The following DYSF variants were observed in gnomAD, a reference collection of about 807,000 sequenced individuals.
The protein encoded by DYSF is dystrophy-associated fer-1-like 1.
Under a neutral mutation model 274.9 loss-of-function variants are expected in DYSF, and 212 were observed. The observed-to-expected ratio is 0.77, with a 90% CI of 0.69 to 0.86. The LOEUF (loss-of-function observed/expected upper bound fraction) is 0.86, where lower values mean the gene tolerates loss of function less well. Ranked by LOEUF, DYSF falls within the 40% of genes least tolerant of loss-of-function variation. The pLI is 0.00. For missense variants in DYSF, 2,666 were observed against 2,783.2 expected (o/e 0.96, Z 0.95); for synonymous variants, 1,091 against 1,078.7 (o/e 1.01, Z -0.22).
chr2:71,620,337 G>T (rs1447841048), intron 40 of DYSF, among the ~76,000 whole-genome samples: 1 of 152,224 alleles, frequency 6.6e-6, no homozygotes, highest in Admixed American at 6.5e-5. Flanking sequence ...CTCCAGATAG[G>T]ACGCTGACCC....
At chr2:71,529,765 G>A (rs748670224) in intron 14 of DYSF, among the ~76,000 whole-genome samples, 6 of 152,204 alleles carry the variant, frequency 3.9e-5, no homozygotes, top group Non-Finnish European at 8.8e-5. Flanking sequence ...GTCTGAAGAA[G>A]TCATTTAGTT....
chr2:71,543,339 G>A (rs969341026), intron 17 of DYSF, among the ~76,000 whole-genome samples: 2 of 151,542 alleles, frequency 1.3e-5, no homozygotes, highest in Admixed American at 6.6e-5. Flanking sequence ...TTCCTAGAGG[G>A]GATGGCGGCC....
intron 17 of DYSF, 131 bp from the exon 18 acceptor site, chr2:71,550,910 A>T: frequency 1.3e-6 from 1 of 749,762 alleles, no homozygotes; most frequent in Non-Finnish European, 2.4e-6. Context: ...TTATACACTG[A>T]CAGGAGCTGC....
intron 51 of DYSF, among the ~76,000 whole-genome samples, chr2:71,672,859 G>A (rs1306556947): frequency 2.0e-5 from 3 of 152,258 alleles, no homozygotes; most frequent in Non-Finnish European, 2.9e-5. Context: ...AGGGCTGGAG[G>A]TGAGGGGCCA....
intron 36 of DYSF, chr2:71,610,811 G>A (rs1478731152): frequency 3.3e-6 from 1 of 299,166 alleles, no homozygotes; most frequent in Non-Finnish European, 6.6e-6. Flanking sequence ...GAGCCAGGAG[G>A]CAGGAGAACC....
At chr2:71,576,890 T>C (rs2092717218) in intron 30 of DYSF, 1 of 152,260 alleles carries the variant, frequency 6.6e-6, no homozygotes, top group South Asian at 2.1e-4. Flanking sequence ...CGTATTCTTC[T>C]TGTGGAAGAG....
intron 1 of DYSF, among the ~76,000 whole-genome samples, chr2:71,469,285 T>TG (rs1238371808): frequency 1.3e-5 from 2 of 152,084 alleles, no homozygotes; most frequent in African/African-American, 2.4e-5. Flanking sequence ...GCATGTAGGC[T>TG]GGGGGGACTC....
rs148118275 is a variant in DYSF, at chr2:71,651,555, G to A, written c.4627-4607G>A. ...TTTCAAAGAGAGAGCTGGAGCCAGG[G>A]AATTATAAAGTGAATTTCCTAAATT... On this transcript the variant is annotated intron_variant, in intron 42 of 55. Coordinates refer to ENST00000410020, the MANE Select transcript of DYSF (RefSeq NM_001130987.2). Among the ~76,000 whole-genome samples the A allele has an allele frequency of 1.6e-3, 241 of 152,174 alleles. 2 individuals are homozygous for A. The highest frequency in any genetic ancestry group is 5.5e-3 in the African/African-American group (228 of 41,534).
In DYSF at chr2:71,454,155, C is replaced by T. The variant is rs560184152; in HGVS notation, c.88+69C>T. 2.4e-4 allele frequency: 343 copies of T among 1,429,868 alleles called. 2 individuals carry two copies. The Middle Eastern group carries it at 3.3e-3, about 14-fold the overall frequency. The allele number at this position is 1,429,868 out of a possible 1,614,324, so 88.6% of individuals were successfully genotyped here. A position where few individuals can be genotyped will look rare whatever the true frequency, so the allele number is the denominator to read the frequency against. The stretch of plus-strand genomic sequence containing the variant: ...GAGGAGGGGACGCCGCGGCTCTCAA[C>T]CCTGGAGAGCACCTAGAGCTGAGAG... On this transcript the variant is annotated intron_variant, in intron 1 of 54. Transcript: ENST00000258104.
intron 14 of DYSF, among the ~76,000 whole-genome samples, chr2:71,532,989 A>G (rs928504272): frequency 1.3e-5 from 2 of 152,134 alleles, no homozygotes; most frequent in Non-Finnish European, 2.9e-5. Flanking sequence ...TGGTTTTGTG[A>G]TGCACGTGTA....
At chr2:71,600,098 T>C (rs1284785437) in intron 33 of DYSF, among the ~76,000 whole-genome samples, 1 of 152,104 alleles carries the variant, frequency 6.6e-6, no homozygotes, top group East Asian at 1.9e-4. Context: ...GGCAGCGGTA[T>C]GAGCTGCAGG....
chr2:71,453,878 G>A (rs1328090589), exon 1 of DYSF: 2 of 989,304 alleles, frequency 2.0e-6, no homozygotes, highest in Non-Finnish European at 1.6e-6. Flanking sequence ...CCAGAGATTC[G>A]AGCCGGCCTC....
chr2:71,568,564 A>AT lies in DYSF; in HGVS notation c.2864+241dup, dbSNP rs372984442. Among the ~76,000 whole-genome samples, 26,330 of 146,024 alleles carry AT rather than the reference A, an allele frequency of 0.18. 2,623 individuals are homozygous for AT. Among genetic ancestry groups the AT allele is most frequent in the African/African-American group, 0.27 (10,699 of 39,868 alleles). On this transcript the variant is annotated intron_variant, in intron 26 of 55. Coordinates refer to ENST00000410020, the MANE Select transcript of DYSF (RefSeq NM_001130987.2). Reference sequence around the variant, plus strand: ...GTCCTTTATTCTTTTCATTAAAAAAATTTTTTTTTTTTTTTGAGACAGAGT... The same window carrying AT: ...GTCCTTTATTCTTTTCATTAAAAAAATTTTTTTTTTTTTTTTGAGACAGAGT...
intron 42 of DYSF, among the ~76,000 whole-genome samples, chr2:71,654,372 C>G (rs1264260617): frequency 7.2e-5 from 11 of 152,210 alleles, no homozygotes; most frequent in Non-Finnish European, 1.6e-4. Context: ...AATGTGCATA[C>G]TCCTTGTCCA....
At chr2:71,646,260 A>G (rs1048924822) in intron 42 of DYSF, among the ~76,000 whole-genome samples, 3 of 152,236 alleles carry the variant, frequency 2.0e-5, no homozygotes, top group Admixed American at 6.5e-5. Context: ...TGGCCTTGCC[A>G]AAAAGTCAGA....
intron 43 of DYSF, among the ~76,000 whole-genome samples, chr2:71,656,872 T>C (rs956043326): frequency 4.6e-5 from 7 of 152,148 alleles, no homozygotes; most frequent in African/African-American, 7.2e-5. Context: ...GGAGATACAA[T>C]TGGAGTTGAG....
chr2:71,570,929 GATCAC>G, intron 29 of DYSF, 188 bp downstream of exon 29: 1 of 773,610 alleles, frequency 1.3e-6, no homozygotes, highest in East Asian at 2.7e-5. Context: ...CATACACACA[GATCAC>G]ACCCAGCATA....
chr2:71,466,058 C>T (rs929141488), upstream of DYSF, among the ~76,000 whole-genome samples: 2 of 152,106 alleles, frequency 1.3e-5, no homozygotes, highest in African/African-American at 4.8e-5. Context: ...GAGAAGGCTC[C>T]GAGGAGGGTT....
intron 44 of DYSF, among the ~76,000 whole-genome samples, chr2:71,660,103 G>T (rs1400605502): frequency 1.3e-5 from 2 of 152,246 alleles, no homozygotes; most frequent in Non-Finnish European, 2.9e-5. Flanking sequence ...AGCCCCAGCT[G>T]CTGGGTCGCT....
Sources: allele counts gnomAD v4.1 joint callset (sites outside exome capture counted in the v4.1 genomes callset), GRCh38; gene constraint gnomAD v4.1.1; transcripts MANE v1.5; gene names NCBI Gene and HGNC (gene_info 2026-07-23, HGNC 2026-07-21).